The following GPR107 variants were observed in gnomAD, a reference collection of about 807,000 sequenced individuals.
GPR107 encodes the protein protein GPR107.
Under a neutral mutation model 75.5 loss-of-function variants are expected in GPR107, and 31 were observed. The ratio of observed to expected loss-of-function variants is 0.41; its 90% CI spans 0.31 to 0.55. The LOEUF (loss-of-function observed/expected upper bound fraction) is 0.55. Among genes scored for constraint, GPR107 ranks in the 20% least tolerant of loss-of-function variants. The probability of loss-of-function intolerance (pLI) is 0.26; values close to 1 mark genes in which losing one functional copy is unlikely to be tolerated. For synonymous variants in GPR107, 267 were observed against 251.3 expected, an observed-to-expected ratio of 1.06 and a Z score of -0.59; for missense variants, 572 against 665.7, an observed-to-expected ratio of 0.86 and a Z score of 1.55.
At chr9:130,107,459 T>A in intron 13 of GPR107, 37 bp from the exon 14 acceptor site, 1 of 1,290,650 alleles carries the variant, frequency 7.7e-7, no homozygotes, top group Non-Finnish European at 1.1e-6. Context: ...TGCAGATTTG[T>A]CAGCTAACTT....
At chr9:130,095,236 G>GT (rs1469537557) in intron 9 of GPR107, among the ~76,000 whole-genome samples, 1 of 152,124 alleles carries the variant, frequency 6.6e-6, no homozygotes, top group Non-Finnish European at 1.5e-5. Context: ...AAGATAATGT[G>GT]TATGAGAGGG....
intron 12 of GPR107, 71 bp downstream of exon 12, chr9:130,101,294 T>A: frequency 1.2e-6 from 1 of 837,270 alleles, no homozygotes. Context: ...CAAGCCTGTA[T>A]GGGAAGAGGG....
At chr9:130,125,279 G>T (rs183573263) in intron 15 of GPR107, among the ~76,000 whole-genome samples, 1 of 151,280 alleles carries the variant, frequency 6.6e-6, no homozygotes, top group Non-Finnish European at 1.5e-5. Context: ...ACAGGGTTTC[G>T]CAAAGTTGGC....
At chr9:130,133,519 C>T (rs1427109624) in intron 17 of GPR107, among the ~76,000 whole-genome samples, 1 of 152,208 alleles carries the variant, frequency 6.6e-6, no homozygotes, top group Non-Finnish European at 1.5e-5. Context: ...AGGGGCTTCT[C>T]TGGCTCATGC....
chr9:130,100,820 C>T (rs1373787981), intron 11 of GPR107, 118 bp downstream of exon 11: 4 of 756,218 alleles, frequency 5.3e-6, no homozygotes, highest in Non-Finnish European at 7.0e-6. Context: ...TGTCTGGGCC[C>T]CTGCCATACC....
chr9:130,084,359 C>G (rs1208477879), intron 6 of GPR107, among the ~76,000 whole-genome samples: 2 of 150,924 alleles, frequency 1.3e-5, no homozygotes, highest in African/African-American at 4.9e-5. Flanking sequence ...GATCGCGCTA[C>G]TGCACTCCAG....
chr9:130,102,219 G>A (rs1368849370), intron 12 of GPR107, among the ~76,000 whole-genome samples: 2 of 152,118 alleles, frequency 1.3e-5, no homozygotes, highest in Non-Finnish European at 2.9e-5. Context: ...AGCAAAACAT[G>A]CTGAGGGACT....
At chr9:130,108,951 T>C (rs1831228223) in intron 14 of GPR107, 1 of 308,996 alleles carries the variant, frequency 3.2e-6, no homozygotes, top group Non-Finnish European at 6.2e-6. Flanking sequence ...AAACCCAAGG[T>C]AGGAAGTACA....
intron 14 of GPR107, among the ~76,000 whole-genome samples, chr9:130,111,788 C>G (rs1400648911): frequency 3.9e-5 from 6 of 152,096 alleles, no homozygotes; most frequent in Admixed American, 3.3e-4. Context: ...TTCCTTTTGA[C>G]CAAACCTGAG....
chr9:130,068,932 G>A (rs1830133375), intron 1 of GPR107, among the ~76,000 whole-genome samples: 1 of 151,988 alleles, frequency 6.6e-6, no homozygotes, highest in African/African-American at 2.4e-5. Flanking sequence ...CAGAGATGGG[G>A]TTTCACCATG....
intron 9 of GPR107, 65 bp from the exon 10 acceptor site, chr9:130,099,392 G>A (rs1830958495): frequency 2.3e-6 from 2 of 883,074 alleles, no homozygotes; most frequent in African/African-American, 1.6e-5. Context: ...GCTAATGTCT[G>A]GAGCTTTGGC....
At chr9:130,124,128 A>G (rs1392103794) in intron 14 of GPR107, among the ~76,000 whole-genome samples, 1 of 152,250 alleles carries the variant, frequency 6.6e-6, no homozygotes, top group Non-Finnish European at 1.5e-5. Context: ...AAGGAGGAAG[A>G]AGAGGAAATC....
chr9:130,100,531 A>G (rs1268716687), intron 10 of GPR107, 98 bp from the exon 11 acceptor site: 8 of 901,508 alleles, frequency 8.9e-6, no homozygotes, highest in Non-Finnish European at 1.1e-5. Flanking sequence ...CCAAATGACA[A>G]TGATTTGGAT....
chr9:130,094,433 TGTG>T (rs766045317), intron 9 of GPR107, among the ~76,000 whole-genome samples: 142 of 151,762 alleles, frequency 9.4e-4, no homozygotes, highest in African/African-American at 3.2e-3. Flanking sequence ...AAAATCCAGT[TGTG>T]GTGGTGCACA....
At chr9:130,095,972 A>T (rs573705937) in intron 9 of GPR107, among the ~76,000 whole-genome samples, 1 of 152,342 alleles carries the variant, frequency 6.6e-6, no homozygotes, top group South Asian at 2.1e-4. Context: ...AGGGGAAACG[A>T]GAGCCAGTGT....
rs1246326469 is a variant in GPR107 at position 130,137,263 on chromosome 9, T to C, written c.*2142T>C. On this transcript the variant is annotated 3_prime_UTR_variant, in exon 18 of 18. Transcript: ENST00000347136. Reference sequence around the variant, plus strand: ...CGAGGAAGCCAGGCAGTGGAGGAACTAGAGAGAGGCAGGCGTGTGTGTGGA... The same window carrying C: ...CGAGGAAGCCAGGCAGTGGAGGAACCAGAGAGAGGCAGGCGTGTGTGTGGA... 1 of 152,268 alleles carries C rather than the reference T, an allele frequency of 6.6e-6. No homozygotes were observed. Among genetic ancestry groups the C allele is most frequent in the Non-Finnish European group, 1.5e-5 (1 of 68,064 alleles). 9.4% of individuals were successfully genotyped at this position (152,268 alleles called of 1,614,324 possible). A position where few individuals can be genotyped will look rare whatever the true frequency, so the allele number is the denominator to read the frequency against.
chr9:130,123,743 T>C (rs527546862), intron 14 of GPR107, among the ~76,000 whole-genome samples: 1 of 152,034 alleles, frequency 6.6e-6, no homozygotes, highest in South Asian at 2.1e-4. Flanking sequence ...GATCCTCCCA[T>C]CTTGGCTTCC....
At chr9:130,077,437 T>A in intron 4 of GPR107, 59 bp downstream of exon 4, 2 of 864,986 alleles carry the variant, frequency 2.3e-6, no homozygotes, top group Non-Finnish European at 4.0e-6. Context: ...GAGAATTTAG[T>A]AGTATGCTAA....
chr9:130,073,435 C>T (rs550387316), intron 1 of GPR107, among the ~76,000 whole-genome samples: 42 of 152,290 alleles, frequency 2.8e-4, no homozygotes, highest in South Asian at 8.3e-4. Context: ...GGAGCCTTAG[C>T]TTTTCTGGCT....
Sources: allele counts gnomAD v4.1 joint callset (sites outside exome capture counted in the v4.1 genomes callset), GRCh38; gene constraint gnomAD v4.1.1; transcripts MANE v1.5; gene names NCBI Gene and HGNC (gene_info 2026-07-23, HGNC 2026-07-21).